The following DIS3L2 variants were observed in gnomAD, a reference collection of about 807,000 sequenced individuals.
DIS3L2 encodes DIS3 like 3'-5' exoribonuclease 2.
In DIS3L2, 34 loss-of-function variants were observed where a neutral mutation model predicts 97.5. The observed-to-expected ratio is 0.35, with a 90% CI of 0.27 to 0.46. The LOEUF is 0.46. DIS3L2 is among the 20% of genes least tolerant of loss of function. The pLI, the probability that DIS3L2 is intolerant of heterozygous loss-of-function variation, is 1.00. For synonymous variants in DIS3L2, 435 were observed against 445.2 expected, an observed-to-expected ratio of 0.98 and a Z score of 0.29; for missense variants, 1,038 against 1,146.0, an observed-to-expected ratio of 0.91 and a Z score of 1.36.
At chr2:232,051,637 A>C (rs3100618) in intron 5 of DIS3L2, among the ~76,000 whole-genome samples, 139,899 of 149,902 alleles carry the variant, frequency 0.93, 65,366 homozygotes, top group East Asian at 1. Context: ...ACGGTGAAAC[A>C]CCGTCTCTAC....
chr2:232,014,458 T>C (rs1169579288), intron 1 of DIS3L2, among the ~76,000 whole-genome samples: 2 of 152,362 alleles, frequency 1.3e-5, no homozygotes, highest in East Asian at 3.9e-4. Context: ...AGCCCCAGTT[T>C]AGTACCTATT....
In DIS3L2 at chr2:232,337,110, A is replaced by G; in HGVS notation, c.*480A>G. 9.8e-7 allele frequency: 1 copy of G among 1,021,314 alleles called. No homozygotes were observed. Among genetic ancestry groups the G allele is most frequent in the South Asian group, 3.9e-5 (1 of 25,484 alleles). The allele number at this position is 1,021,314 out of a possible 1,614,324, so 63.3% of individuals were successfully genotyped here. ...CACCTGGAACTTTCCTGTCAGTTCC[A>G]ACACGATTCAGAGCTGGCTGCCTGG... On this transcript the variant is annotated 3_prime_UTR_variant, in exon 21 of 21. Coordinates refer to ENST00000325385, the MANE Select transcript of DIS3L2 (RefSeq NM_152383.5).
intron 12 of DIS3L2, chr2:232,259,762 G>A (rs945680314): frequency 1.3e-5 from 2 of 152,114 alleles, no homozygotes; most frequent in African/African-American, 4.8e-5. Context: ...GGGATTACAG[G>A]TGCGCACTAC....
chr2:232,312,706 T>C (rs1695169880), intron 14 of DIS3L2, among the ~76,000 whole-genome samples: 2 of 152,216 alleles, frequency 1.3e-5, no homozygotes, highest in South Asian at 4.2e-4. Flanking sequence ...AATCAACACT[T>C]TTATGATAAT....
chr2:232,009,207 C>T (rs1053841621), intron 1 of DIS3L2, among the ~76,000 whole-genome samples: 2 of 152,202 alleles, frequency 1.3e-5, no homozygotes, highest in African/African-American at 4.8e-5. Flanking sequence ...AAAATCTAGG[C>T]TCCCCTAGAG....
intron 5 of DIS3L2, among the ~76,000 whole-genome samples, chr2:232,049,293 T>C (rs1281517828): frequency 6.6e-6 from 1 of 152,188 alleles, no homozygotes; most frequent in Non-Finnish European, 1.5e-5. Flanking sequence ...GGTCAAAAGA[T>C]AAGAAATTAT....
intron 11 of DIS3L2, among the ~76,000 whole-genome samples, chr2:232,239,036 T>C (rs963425203): frequency 3.9e-5 from 6 of 152,134 alleles, no homozygotes; most frequent in Non-Finnish European, 7.4e-5. Flanking sequence ...TAAGGAAATG[T>C]TTTCAACCCC....
At chr2:232,210,499 T>G in intron 10 of DIS3L2, 94 bp downstream of exon 10, 1 of 1,167,120 alleles carries the variant, frequency 8.6e-7, no homozygotes, top group Admixed American at 1.7e-5. Context: ...GGCAGCATAC[T>G]GTGCAAGGCT....
chr2:232,240,469 A>G (rs1475906467), intron 11 of DIS3L2, among the ~76,000 whole-genome samples: 2 of 152,184 alleles, frequency 1.3e-5, no homozygotes, highest in African/African-American at 2.4e-5. Flanking sequence ...GTCATGGGCA[A>G]TAGGTAATCT....
chr2:232,167,973 C>T (rs915088718), intron 9 of DIS3L2, among the ~76,000 whole-genome samples: 2 of 152,124 alleles, frequency 1.3e-5, no homozygotes, highest in East Asian at 3.9e-4. Context: ...TGCTTGAACC[C>T]GGAGGCAGAG....
intron 6 of DIS3L2, among the ~76,000 whole-genome samples, chr2:232,116,551 C>T (rs1029679980): frequency 6.6e-6 from 1 of 152,176 alleles, no homozygotes; most frequent in Non-Finnish European, 1.5e-5. Context: ...TTTTTCAAGT[C>T]ATGCAACAAC....
chr2:232,027,304 A>C (rs1386012694), intron 4 of DIS3L2, among the ~76,000 whole-genome samples: 1 of 152,066 alleles, frequency 6.6e-6, no homozygotes, highest in Non-Finnish European at 1.5e-5. Flanking sequence ...TATGACATAT[A>C]AAATGTATGG....
At chr2:232,068,924 C>G (rs1695929115) in intron 5 of DIS3L2, among the ~76,000 whole-genome samples, 1 of 152,006 alleles carries the variant, frequency 6.6e-6, no homozygotes, top group African/African-American at 2.4e-5. Flanking sequence ...TCAGGTGATT[C>G]TCATGCCTCA....
downstream of DIS3L2, among the ~76,000 whole-genome samples, chr2:232,337,537 C>A (rs997008536): frequency 1.3e-5 from 2 of 151,974 alleles, no homozygotes; most frequent in African/African-American, 4.8e-5. Flanking sequence ...CTGCCTCAGT[C>A]CCGAGCAGAG....
At chr2:232,113,937 A>G (rs1697621869) in intron 6 of DIS3L2, among the ~76,000 whole-genome samples, 1 of 152,158 alleles carries the variant, frequency 6.6e-6, no homozygotes, top group South Asian at 2.1e-4. Flanking sequence ...CTCTCATAAG[A>G]TCAGTGCTTG....
At chr2:232,278,652 C>T (rs1333229399) in intron 13 of DIS3L2, among the ~76,000 whole-genome samples, 1 of 152,142 alleles carries the variant, frequency 6.6e-6, no homozygotes, top group Non-Finnish European at 1.5e-5. Flanking sequence ...AGTGGTCATT[C>T]CCTTTTGTTG....
At chr2:232,087,330 G>C (rs1696691009) in intron 5 of DIS3L2, among the ~76,000 whole-genome samples, 157 bp from the exon 6 acceptor site, 1 of 152,116 alleles carries the variant, frequency 6.6e-6, no homozygotes, top group African/African-American at 2.4e-5. Context: ...TAGGTGGTCT[G>C]TGCTTCTGGA....
chr2:232,284,449 G>T (rs558622556), intron 13 of DIS3L2, among the ~76,000 whole-genome samples: 1 of 152,172 alleles, frequency 6.6e-6, no homozygotes. Context: ...TCGATACCAC[G>T]ATCAATGTTA....
chr2:232,096,827 C>A (rs1453509945), intron 6 of DIS3L2, among the ~76,000 whole-genome samples: 1 of 151,970 alleles, frequency 6.6e-6, no homozygotes, highest in Non-Finnish European at 1.5e-5. Context: ...AATTCCTTTT[C>A]TATTATCTTG....
Sources: gnomAD v4.1 joint callset for allele counts (sites outside exome capture counted in the v4.1 genomes callset) on GRCh38, gnomAD v4.1.1 for gene constraint, MANE v1.5 for transcripts, NCBI Gene and HGNC (gene_info 2026-07-23, HGNC 2026-07-21) for gene names.